MBNL2: variants seen among roughly 807,000 people sequenced by gnomAD.
MBNL2 encodes muscleblind like splicing regulator 2.
A neutral mutation model predicts 41.9 loss-of-function variants in MBNL2; 17 were observed. The ratio of observed to expected loss-of-function variants is 0.41; its 90% CI spans 0.28 to 0.61. The LOEUF (loss-of-function observed/expected upper bound fraction) is 0.61, where lower values mean the gene tolerates loss of function less well. Among genes scored for constraint, MBNL2 ranks in the 20% least tolerant of loss-of-function variants. MBNL2 has a pLI of 0.35. For missense variants in MBNL2, 336 were observed against 505.6 expected, an observed-to-expected ratio of 0.66 and a Z score of 3.22; for synonymous variants, 195 against 182.9, an observed-to-expected ratio of 1.07 and a Z score of -0.53.
At chr13:97,363,418 CTG>C (rs55745808) in intron 7 of MBNL2, among the ~76,000 whole-genome samples, 9,503 of 136,458 alleles carry the variant, frequency 0.07, 340 homozygotes, top group South Asian at 0.12. Context: ...GAAAGAAAAA[CTG>C]TGTGTGTGTG....
At chr13:97,319,912 C>G (rs1389978419) in intron 2 of MBNL2, among the ~76,000 whole-genome samples, 1 of 152,092 alleles carries the variant, frequency 6.6e-6, no homozygotes, top group African/African-American at 2.4e-5. Flanking sequence ...GGTAGAAAAT[C>G]ATCGTACTTG....
the MBNL2 span, among the ~76,000 whole-genome samples, chr13:97,183,777 T>G: frequency 6.6e-6 from 1 of 152,236 alleles, no homozygotes; most frequent in African/African-American, 2.4e-5. Context: ...TTATCTGATA[T>G]TAATAAAAGG....
chr13:97,168,256 G>A, the MBNL2 span, among the ~76,000 whole-genome samples: 2 of 152,148 alleles, frequency 1.3e-5, no homozygotes, highest in African/African-American at 4.8e-5. Context: ...GAGCCACCAT[G>A]CCCGGCCTTG....
At chr13:97,230,190 C>T (rs755754684) in intron 1 of MBNL2, among the ~76,000 whole-genome samples, 1 of 152,114 alleles carries the variant, frequency 6.6e-6, no homozygotes, top group Non-Finnish European at 1.5e-5. Context: ...CCCAGCTACT[C>T]GGGAGGCTGA....
chr13:97,241,822 G>A (rs2044338327), intron 1 of MBNL2, among the ~76,000 whole-genome samples: 1 of 152,164 alleles, frequency 6.6e-6, no homozygotes, highest in African/African-American at 2.4e-5. Context: ...TCAGAGTTAG[G>A]CGAGTTGGGT....
chr13:97,175,112 G>C, the MBNL2 span, among the ~76,000 whole-genome samples: 1 of 152,150 alleles, frequency 6.6e-6, no homozygotes, highest in South Asian at 2.1e-4. Flanking sequence ...TTACAGTTGT[G>C]GAAGACTCTT....
At chr13:97,162,372 C>A in the MBNL2 span, among the ~76,000 whole-genome samples, 11,794 of 152,138 alleles carry the variant, frequency 0.078, 731 homozygotes, top group African/African-American at 0.17. Flanking sequence ...TGGATTGCAA[C>A]CTTGCATAAG....
chr13:97,311,620 C>A (rs1008932322), intron 2 of MBNL2, among the ~76,000 whole-genome samples: 1 of 151,220 alleles, frequency 6.6e-6, no homozygotes, highest in Admixed American at 6.6e-5. Context: ...AAATCAATTT[C>A]TTGAGATAGC....
chr13:97,375,877 T>C (rs560151234), intron 8 of MBNL2, among the ~76,000 whole-genome samples: 18 of 152,294 alleles, frequency 1.2e-4, no homozygotes, highest in East Asian at 9.7e-4. Context: ...CTGTGGCTTA[T>C]GTGAGCCAGC....
intron 2 of MBNL2, among the ~76,000 whole-genome samples, chr13:97,285,921 A>G (rs2054338121): frequency 6.6e-6 from 1 of 152,130 alleles, no homozygotes; most frequent in South Asian, 2.1e-4. Context: ...CTCCAGACTT[A>G]GTCCTTGAAC....
At chr13:97,205,347 G>A in the MBNL2 span, among the ~76,000 whole-genome samples, 8 of 149,266 alleles carry the variant, frequency 5.4e-5, no homozygotes, top group African/African-American at 2.0e-4. Context: ...CTGAGATTGC[G>A]CCACTGCACT....
intron 5 of MBNL2, among the ~76,000 whole-genome samples, chr13:97,354,699 T>C (rs2062833541): frequency 6.6e-6 from 1 of 152,252 alleles, no homozygotes; most frequent in Non-Finnish European, 1.5e-5. Context: ...TTCATTGTAC[T>C]TGGAGATTTC....
intron 8 of MBNL2, among the ~76,000 whole-genome samples, chr13:97,369,724 C>T (rs1166844253): frequency 6.6e-6 from 1 of 152,232 alleles, no homozygotes; most frequent in Non-Finnish European, 1.5e-5. Context: ...ACAAGCCACT[C>T]TATCCTCAGG....
intron 1 of MBNL2, among the ~76,000 whole-genome samples, chr13:97,258,210 G>GT (rs199606551): frequency 0.037 from 5,441 of 146,266 alleles, 121 homozygotes; most frequent in South Asian, 0.12. Context: ...TGTTGCCAGG[G>GT]TTTTTTTTTT....
intron 1 of MBNL2, among the ~76,000 whole-genome samples, chr13:97,229,494 G>A (rs764281606): frequency 6.6e-6 from 1 of 152,116 alleles, no homozygotes; most frequent in Non-Finnish European, 1.5e-5. Flanking sequence ...ATATTAGCAG[G>A]GTTATGCAAG....
intron 2 of MBNL2, among the ~76,000 whole-genome samples, chr13:97,322,666 T>C (rs75366654): frequency 0.037 from 5,634 of 152,160 alleles, 326 homozygotes; most frequent in African/African-American, 0.12. Flanking sequence ...GCTCTATTTT[T>C]CCCATCTTCT....
rs763619149 is a variant in MBNL2 at position 97,224,727 on chromosome 13, A to T, written c.-605+2196A>T. Among the ~76,000 whole-genome samples, 26 of 152,138 alleles carry T rather than the reference A, an allele frequency of 1.7e-4. 1 individual carries two copies. The highest frequency in any genetic ancestry group is 6.5e-5 in the Admixed American group (1 of 15,286). ...ACCTCGGTATTAAGAAACTGTTGGC[A>T]AACACCTTAGAGTATTAAGATACAT... On this transcript the variant is annotated intron_variant, in intron 1 of 8. Coordinates refer to ENST00000679496, the MANE Select transcript of MBNL2 (RefSeq NM_001382683.1).
upstream of MBNL2, among the ~76,000 whole-genome samples, chr13:97,217,864 G>T (rs1431194158): frequency 2.0e-5 from 3 of 152,042 alleles, no homozygotes; most frequent in Non-Finnish European, 4.4e-5. Context: ...GTGGTGGGGG[G>T]TTTAATTAGG....
chr13:97,210,336 G>A, the MBNL2 span, among the ~76,000 whole-genome samples: 3 of 152,078 alleles, frequency 2.0e-5, no homozygotes. Context: ...AGCAAATTGA[G>A]AACTTTTAAA....
Sources: allele counts gnomAD v4.1 joint callset (sites outside exome capture counted in the v4.1 genomes callset), GRCh38; gene constraint gnomAD v4.1.1; transcripts MANE v1.5; gene names NCBI Gene and HGNC (gene_info 2026-07-23, HGNC 2026-07-21).